FRMPD4: variants seen among roughly 807,000 people sequenced by gnomAD.
The protein encoded by FRMPD4 is FERM and PDZ domain-containing protein 4.
In FRMPD4, 22 loss-of-function variants were observed where a neutral mutation model predicts 94.1. The observed-to-expected ratio is 0.23, with a 90% CI of 0.17 to 0.33. The LOEUF is 0.33. FRMPD4 is among the 10% of genes least tolerant of loss of function. FRMPD4 has a pLI of 1.00. For synonymous variants in FRMPD4, 631 were observed against 548.6 expected, an observed-to-expected ratio of 1.15 and a Z score of -2.10; for missense variants, 1,111 against 1,339.9, an observed-to-expected ratio of 0.83 and a Z score of 2.67.
upstream of FRMPD4, among the ~76,000 whole-genome samples, chrX:12,138,283 C>G (rs1367416291): frequency 8.9e-6 from 1 of 112,545 alleles, no homozygotes; most frequent in East Asian, 2.8e-4. Flanking sequence ...CCTGCGGTTG[C>G]ACGGCTCTCC....
intron 4 of FRMPD4, among the ~76,000 whole-genome samples, chrX:12,656,000 T>C (rs6639210): frequency 0.32 from 35,059 of 111,202 alleles, 4,870 homozygotes; most frequent in East Asian, 0.61. Context: ...TACATTACTG[T>C]AAGACATTCT....
At chrX:12,493,703 T>G (rs1602021870) in intron 1 of FRMPD4, among the ~76,000 whole-genome samples, 2 of 112,128 alleles carry the variant, frequency 1.8e-5, no homozygotes, top group East Asian at 5.6e-4. Context: ...GTGTCTCAGT[T>G]TCTTCATCTT....
At chrX:12,106,520 G>A (rs1002516160) in intron 3 of FRMPD4, among the ~76,000 whole-genome samples, 6 of 110,967 alleles carry the variant, frequency 5.4e-5, no homozygotes, top group East Asian at 2.9e-4. Context: ...CGGACGTACC[G>A]GGTTCATCTC....
intron 1 of FRMPD4, among the ~76,000 whole-genome samples, chrX:11,827,062 T>TTATATATATACATA (rs1555909821): frequency 3.7e-5 from 3 of 80,605 alleles, no homozygotes; most frequent in African/African-American, 1.4e-4. Flanking sequence ...TAGATGGAAA[T>TTATATATATACATA]TATATATATA....
At chrX:12,200,472 A>G (rs1223245959) in intron 1 of FRMPD4, among the ~76,000 whole-genome samples, 1 of 111,429 alleles carries the variant, frequency 9.0e-6, no homozygotes, top group East Asian at 2.8e-4. Context: ...GAGCTATGTC[A>G]TGTATTTTTA....
intron 2 of FRMPD4, among the ~76,000 whole-genome samples, chrX:12,543,775 A>G (rs777706396): frequency 0.018 from 1,914 of 109,335 alleles, 24 homozygotes; most frequent in Non-Finnish European, 0.026. Flanking sequence ...CTGCTATAAA[A>G]ACACATGCAC....
intron 1 of FRMPD4, among the ~76,000 whole-genome samples, chrX:12,384,530 A>T (rs1000000085): frequency 9.0e-6 from 1 of 111,157 alleles, no homozygotes; most frequent in Non-Finnish European, 1.9e-5. Flanking sequence ...AAGAAAAAAA[A>T]AAGACTTACA....
At chrX:11,959,033 G>A (rs894017313) in intron 3 of FRMPD4, among the ~76,000 whole-genome samples, 21 of 112,605 alleles carry the variant, frequency 1.9e-4, no homozygotes, top group African/African-American at 6.8e-4. Context: ...CAGTGAGGGT[G>A]TATCCTGAAA....
chrX:12,209,026 CTGTT>C (rs768129939), intron 1 of FRMPD4, among the ~76,000 whole-genome samples: 2 of 111,781 alleles, frequency 1.8e-5, no homozygotes, highest in African/African-American at 3.2e-5. Flanking sequence ...AACATAAAAA[CTGTT>C]TGTGAGATTA....
At chrX:11,959,402 C>G (rs1217525545) in intron 3 of FRMPD4, among the ~76,000 whole-genome samples, 1 of 112,256 alleles carries the variant, frequency 8.9e-6, no homozygotes, top group Admixed American at 9.4e-5. Context: ...ATGTCATGTG[C>G]AATGGAGTGT....
At chrX:12,129,846 G>A (rs1274568302) in intron 3 of FRMPD4, among the ~76,000 whole-genome samples, 1 of 111,887 alleles carries the variant, frequency 8.9e-6, no homozygotes, top group African/African-American at 3.3e-5. Flanking sequence ...TGTAAAGCCT[G>A]AGATGACATG....
chrX:11,972,984 T>C (rs927551352), intron 3 of FRMPD4, among the ~76,000 whole-genome samples: 3 of 112,276 alleles, frequency 2.7e-5, no homozygotes, highest in Non-Finnish European at 3.8e-5. Context: ...GTCTACATTA[T>C]GTAAAATCCT....
intron 1 of FRMPD4, among the ~76,000 whole-genome samples, chrX:12,193,107 G>A (rs1441274949): frequency 9.0e-6 from 1 of 111,600 alleles, no homozygotes; most frequent in African/African-American, 3.3e-5. Context: ...GGCAGGTGTG[G>A]AAAGCAAGGC....
Position 11,888,876 on chromosome X carries a change from T to A in FRMPD4, c.95+10858T>A, listed in dbSNP as rs7062668. On this transcript the variant is annotated intron_variant, in intron 3 of 18. Coordinates refer to the FRMPD4 transcript ENST00000640291. The stretch of plus-strand genomic sequence containing the variant: ...TGAGCACATGCTGTAGGAAAAATGG[T>A]GCTGATAAAGTTGCTCAACGCAGGG... Among the ~76,000 whole-genome samples, 799 of 112,514 alleles carry A rather than the reference T, an allele frequency of 7.1e-3. 5 individuals are homozygous for A. The highest frequency in any genetic ancestry group is 0.024 in the African/African-American group (751 of 31,036).
intron 1 of FRMPD4, among the ~76,000 whole-genome samples, chrX:12,414,536 T>C (rs1202290856): frequency 8.9e-6 from 1 of 112,247 alleles, no homozygotes; most frequent in African/African-American, 3.2e-5. Context: ...AGTATGCAGA[T>C]GCTTGAGACG....
chrX:12,427,367 T>G (rs1242383969), intron 1 of FRMPD4, among the ~76,000 whole-genome samples: 10 of 111,392 alleles, frequency 9.0e-5, no homozygotes, highest in Non-Finnish European at 3.8e-5. Context: ...CACAGGCCAG[T>G]GCATACATGT....
intron 2 of FRMPD4, among the ~76,000 whole-genome samples, chrX:12,596,616 G>A (rs1479441476): frequency 2.7e-5 from 3 of 109,838 alleles, no homozygotes; most frequent in African/African-American, 6.6e-5. Context: ...AGCTTCTAGC[G>A]GGAGTGCACT....
chrX:12,611,668 G>GT (rs2059185295), intron 3 of FRMPD4, among the ~76,000 whole-genome samples: 1 of 112,358 alleles, frequency 8.9e-6, no homozygotes, highest in Non-Finnish European at 1.9e-5. Context: ...TTAAAATTTG[G>GT]TTTCATTTTT....
At chrX:12,645,821 G>A (rs1426341589) in intron 4 of FRMPD4, among the ~76,000 whole-genome samples, 2 of 112,122 alleles carry the variant, frequency 1.8e-5, no homozygotes, top group Non-Finnish European at 3.8e-5. Flanking sequence ...GCTCATATTT[G>A]TAAATAGATT....
Sources: allele counts gnomAD v4.1 joint callset (sites outside exome capture counted in the v4.1 genomes callset), GRCh38; gene constraint gnomAD v4.1.1; transcripts MANE v1.5; gene names NCBI Gene and HGNC (gene_info 2026-07-23, HGNC 2026-07-21).